TRIM24: variants seen among roughly 807,000 people sequenced by gnomAD.
TRIM24 encodes the protein transcription intermediary factor 1-alpha.
In TRIM24, 29 loss-of-function variants were observed where a neutral mutation model predicts 123.9. That is an observed-to-expected ratio of 0.23 (90% CI 0.17 to 0.32). The LOEUF (loss-of-function observed/expected upper bound fraction) is 0.32. Ranked by LOEUF, TRIM24 falls within the 10% of genes least tolerant of loss-of-function variation. The pLI, the probability that TRIM24 is intolerant of heterozygous loss-of-function variation, is 1.00. For synonymous variants in TRIM24, 456 were observed against 461.1 expected, an observed-to-expected ratio of 0.99 and a Z score of 0.14; for missense variants, 932 against 1,295.3, an observed-to-expected ratio of 0.72 and a Z score of 4.31.
At chr7:138,485,455 T>G (rs184081456) in intron 1 of TRIM24, among the ~76,000 whole-genome samples, 2 of 152,112 alleles carry the variant, frequency 1.3e-5, no homozygotes, top group African/African-American at 4.8e-5. Flanking sequence ...CTGCACCCAT[T>G]AACTCATCAT....
chr7:138,505,651 C>G (rs540921479), intron 2 of TRIM24, among the ~76,000 whole-genome samples: 3 of 152,210 alleles, frequency 2.0e-5, no homozygotes, highest in Admixed American at 2.0e-4. Context: ...ATTCTCCCAC[C>G]ATAGCCTCCT....
At chr7:138,569,998 A>G (rs1184155374) in intron 10 of TRIM24, among the ~76,000 whole-genome samples, 2 of 142,442 alleles carry the variant, frequency 1.4e-5, no homozygotes, top group Non-Finnish European at 3.0e-5. Flanking sequence ...CCCAGGCTGG[A>G]GTGCACTGGT....
chr7:138,538,512 A>G (rs1180115985), intron 6 of TRIM24, 145 bp from the exon 7 acceptor site: 5 of 919,394 alleles, frequency 5.4e-6, no homozygotes, highest in Non-Finnish European at 6.4e-6. Context: ...GATCCTTTAT[A>G]CTAATAGGGA....
chr7:138,581,873 A>C (rs1797901894), intron 17 of TRIM24, 102 bp downstream of exon 17: 2 of 898,146 alleles, frequency 2.2e-6, no homozygotes, highest in South Asian at 3.2e-5. Context: ...ACTTTTTAAT[A>C]TCTAAACCTT....
intron 1 of TRIM24, among the ~76,000 whole-genome samples, chr7:138,475,097 T>A (rs1352414490): frequency 6.6e-6 from 1 of 152,164 alleles, no homozygotes; most frequent in East Asian, 1.9e-4. Flanking sequence ...AATAGGCTCA[T>A]TGATTGATTG....
chr7:138,577,934 T>C (rs1193710571), intron 14 of TRIM24, among the ~76,000 whole-genome samples: 4 of 152,182 alleles, frequency 2.6e-5, no homozygotes, highest in South Asian at 2.1e-4. Context: ...CTCAGGAAGA[T>C]ACTTGATAAT....
At chr7:138,491,705 T>C (rs988301563) in intron 1 of TRIM24, among the ~76,000 whole-genome samples, 2 of 152,222 alleles carry the variant, frequency 1.3e-5, no homozygotes, top group East Asian at 3.9e-4. Context: ...AGGAGTAGAA[T>C]GGCTGTTAGC....
chr7:138,535,497 A>C (rs1410650671), intron 6 of TRIM24, among the ~76,000 whole-genome samples: 2 of 152,056 alleles, frequency 1.3e-5, no homozygotes, highest in African/African-American at 4.8e-5. Context: ...CTAGATATGA[A>C]ATTCTGGGTT....
intron 2 of TRIM24, among the ~76,000 whole-genome samples, chr7:138,508,696 C>CGTGT (rs1222814381): frequency 1.2e-4 from 4 of 33,470 alleles, no homozygotes; most frequent in African/African-American, 3.5e-4. Flanking sequence ...TGTGTGTGCG[C>CGTGT]GCGCGTGTGT....
chr7:138,537,669 T>C (rs1243791418), intron 6 of TRIM24, among the ~76,000 whole-genome samples: 1 of 152,094 alleles, frequency 6.6e-6, no homozygotes, highest in East Asian at 1.9e-4. Flanking sequence ...CTAGGCAAAT[T>C]ACTGTCTCTC....
chr7:138,533,056 T>C (rs936871018), intron 6 of TRIM24, among the ~76,000 whole-genome samples: 10 of 152,206 alleles, frequency 6.6e-5, no homozygotes, highest in Admixed American at 3.3e-4. Flanking sequence ...TTTTTGCACA[T>C]TGATTTTGTA....
intron 6 of TRIM24, among the ~76,000 whole-genome samples, chr7:138,536,192 G>A (rs371680397): frequency 9.2e-5 from 14 of 151,884 alleles, no homozygotes; most frequent in East Asian, 1.9e-4. Flanking sequence ...GAGTTTCATC[G>A]TCTAAAGCCT....
intron 2 of TRIM24, among the ~76,000 whole-genome samples, chr7:138,507,682 C>A (rs1796180340): frequency 6.6e-6 from 1 of 152,046 alleles, no homozygotes; most frequent in African/African-American, 2.4e-5. Context: ...AACATAACTA[C>A]CATATGAATT....
chr7:138,572,906 A>ATCTT (rs2116674952), intron 11 of TRIM24, among the ~76,000 whole-genome samples: 1 of 152,320 alleles, frequency 6.6e-6, no homozygotes, highest in African/African-American at 2.4e-5. Flanking sequence ...TAAAGCAAGA[A>ATCTT]TCTTTAGGGT....
chr7:138,520,916 G>A (rs1211053267), intron 4 of TRIM24, among the ~76,000 whole-genome samples: 1 of 152,188 alleles, frequency 6.6e-6, no homozygotes, highest in Non-Finnish European at 1.5e-5. Flanking sequence ...CAGAGAATGG[G>A]AAGGAAGCAA....
intron 9 of TRIM24, among the ~76,000 whole-genome samples, chr7:138,567,021 T>C (rs1797548542): frequency 6.6e-6 from 1 of 152,262 alleles, no homozygotes; most frequent in African/African-American, 2.4e-5. Flanking sequence ...AAGAATAAAT[T>C]AGTGAATACA....
intron 2 of TRIM24, among the ~76,000 whole-genome samples, chr7:138,508,887 G>A (rs1796225403): frequency 6.6e-6 from 1 of 151,982 alleles, no homozygotes; most frequent in African/African-American, 2.4e-5. Flanking sequence ...ATGGTACGGT[G>A]GGTGCTCATC....
At chr7:138,485,950 C>CTG (rs1315228166) in intron 1 of TRIM24, among the ~76,000 whole-genome samples, 5 of 152,190 alleles carry the variant, frequency 3.3e-5, no homozygotes, top group Non-Finnish European at 4.4e-5. Context: ...GTTTACACTC[C>CTG]CACCAACAGT....
At chr7:138,472,394 T>C (rs1359090163) in intron 1 of TRIM24, among the ~76,000 whole-genome samples, 4 of 152,020 alleles carry the variant, frequency 2.6e-5, no homozygotes, top group Non-Finnish European at 2.9e-5. Context: ...CACTTTCTCT[T>C]GTGAATAGGA....
Sources: gnomAD v4.1 joint callset for allele counts (sites outside exome capture counted in the v4.1 genomes callset) on GRCh38, gnomAD v4.1.1 for gene constraint, MANE v1.5 for transcripts, NCBI Gene and HGNC (gene_info 2026-07-23, HGNC 2026-07-21) for gene names.